PSEN1: variants seen among roughly 807,000 people sequenced by gnomAD.
PSEN1 encodes presenilin-1.
In PSEN1, 15 loss-of-function variants were observed where a neutral mutation model predicts 53.5. That is an observed-to-expected ratio of 0.28 (90% CI 0.19 to 0.43). PSEN1 has a LOEUF of 0.43. Ranked by LOEUF, PSEN1 falls within the 20% of genes least tolerant of loss-of-function variation. The pLI, the probability that PSEN1 is intolerant of heterozygous loss-of-function variation, is 1.00. For missense variants in PSEN1, 387 were observed against 571.2 expected (o/e 0.68, Z 3.29); for synonymous variants, 208 against 209.8 (o/e 0.99, Z 0.08).
chr14:73,195,535 A>T (rs1341376915), intron 7 of PSEN1, among the ~76,000 whole-genome samples: 3 of 152,214 alleles, frequency 2.0e-5, no homozygotes, highest in Non-Finnish European at 4.4e-5. Flanking sequence ...AGTTATGAAG[A>T]TTAAATTAAA....
chr14:73,172,412 T>A (rs537277555), intron 4 of PSEN1, among the ~76,000 whole-genome samples: 24 of 152,180 alleles, frequency 1.6e-4, no homozygotes, highest in African/African-American at 5.8e-4. Context: ...TCCATATAGG[T>A]TAGGGTTAGG....
At chr14:73,204,068 G>A (rs935402811) in intron 8 of PSEN1, among the ~76,000 whole-genome samples, 7 of 152,112 alleles carry the variant, frequency 4.6e-5, no homozygotes, top group African/African-American at 1.7e-4. Context: ...GCACGATCTC[G>A]GCTCACCACA....
chr14:73,182,380 C>T (rs1898245727), intron 5 of PSEN1, among the ~76,000 whole-genome samples: 1 of 151,810 alleles, frequency 6.6e-6, no homozygotes, highest in Non-Finnish European at 1.5e-5. Flanking sequence ...GCCTATAGTC[C>T]TAGGTACTAG....
intron 10 of PSEN1, among the ~76,000 whole-genome samples, chr14:73,213,567 C>G (rs753753730): frequency 1.3e-5 from 2 of 152,162 alleles, no homozygotes; most frequent in Non-Finnish European, 2.9e-5. Flanking sequence ...GCATGTTAAA[C>G]CAGACTTGTG....
At chr14:73,162,582 C>T (rs1489590816) in intron 3 of PSEN1, among the ~76,000 whole-genome samples, 2 of 151,760 alleles carry the variant, frequency 1.3e-5, no homozygotes, top group Non-Finnish European at 2.9e-5. Flanking sequence ...TTGCTTGAGC[C>T]TAGGAGGTCA....
intron 3 of PSEN1, among the ~76,000 whole-genome samples, chr14:73,155,479 T>A (rs1897327819): frequency 6.6e-6 from 1 of 152,202 alleles, no homozygotes; most frequent in Admixed American, 6.5e-5. Context: ...TTTATATGTC[T>A]AGCATAGAAT....
chr14:73,194,523 A>G (rs1263623051), intron 7 of PSEN1, among the ~76,000 whole-genome samples: 1 of 149,814 alleles, frequency 6.7e-6, no homozygotes, highest in African/African-American at 2.4e-5. Flanking sequence ...GGCCTGCCAA[A>G]GTGTTGGGAT....
At chr14:73,179,146 G>T (rs1354681963) in intron 5 of PSEN1, among the ~76,000 whole-genome samples, 1 of 152,060 alleles carries the variant, frequency 6.6e-6, no homozygotes, top group African/African-American at 2.4e-5. Flanking sequence ...CTAAAGTCAG[G>T]GCCAAAATGT....
chr14:73,175,405 C>T (rs762468297), intron 5 of PSEN1, among the ~76,000 whole-genome samples: 11 of 151,750 alleles, frequency 7.2e-5, no homozygotes, highest in South Asian at 2.1e-4. Context: ...GGATTACAGG[C>T]GTGAGCCACC....
At chr14:73,211,413 G>A (rs560857524) in intron 9 of PSEN1, among the ~76,000 whole-genome samples, 4 of 152,246 alleles carry the variant, frequency 2.6e-5, no homozygotes, top group African/African-American at 4.8e-5. Flanking sequence ...CAGGAATCCC[G>A]GTGGACTTTG....
intron 7 of PSEN1, 116 bp from the exon 8 acceptor site, chr14:73,197,915 G>T: frequency 1.5e-4 from 99 of 640,552 alleles, no homozygotes; most frequent in Middle Eastern, 2.5e-4. Flanking sequence ...GTCTTTTTGT[G>T]TAAAAAGAGA....
chr14:73,162,615 A>G (rs370754072), intron 3 of PSEN1, among the ~76,000 whole-genome samples: 25 of 151,970 alleles, frequency 1.6e-4, no homozygotes, highest in East Asian at 1.4e-3. Context: ...GCTGTTGACT[A>G]TGCCACTGCA....
At chr14:73,190,125 A>G (rs888750558) in intron 6 of PSEN1, 1 of 152,294 alleles carries the variant, frequency 6.6e-6, no homozygotes, top group Non-Finnish European at 1.5e-5. Context: ...CTGCTTCTGA[A>G]GAAATAGATA....
In PSEN1 at chr14:73,217,266, T is replaced by C. The variant is rs200159291; in HGVS notation, c.1248+22T>C. The C allele has an allele frequency of 6.8e-6, 11 of 1,613,584 alleles. No individual in the cohort carries two copies. In the East Asian group the frequency reaches 1.8e-4, roughly 26 times the overall value. Reference sequence around the variant, plus strand: ...AATTGTAAGTATACACTAATAAGAATGTGTCAGAGCTCTTAATGTCAAAAC... The same window carrying C: ...AATTGTAAGTATACACTAATAAGAACGTGTCAGAGCTCTTAATGTCAAAAC... On this transcript the variant is annotated intron_variant, in intron 11 of 11. Transcript: ENST00000324501.
At chr14:73,194,979 ACTGGTT>A (rs1898881803) in intron 7 of PSEN1, among the ~76,000 whole-genome samples, 1 of 152,194 alleles carries the variant, frequency 6.6e-6, no homozygotes, top group Non-Finnish European at 1.5e-5. Flanking sequence ...ATAGGATTGA[ACTGGTT>A]CTGTTCTTGT....
intron 3 of PSEN1, among the ~76,000 whole-genome samples, chr14:73,154,074 A>G (rs1365749933): frequency 3.3e-5 from 5 of 152,190 alleles, no homozygotes; most frequent in African/African-American, 7.2e-5. Context: ...TATTCAGACT[A>G]TAAATATATC....
chr14:73,190,605 A>G (rs549535330), intron 6 of PSEN1, among the ~76,000 whole-genome samples: 156 of 152,100 alleles, frequency 1.0e-3, no homozygotes, highest in African/African-American at 3.6e-3. Context: ...GTGCTTTCCA[A>G]TCAGGCACGG....
chr14:73,167,341 A>G (rs1897748052), intron 3 of PSEN1, among the ~76,000 whole-genome samples: 1 of 152,234 alleles, frequency 6.6e-6, no homozygotes, highest in South Asian at 2.1e-4. Flanking sequence ...TGTGATGCTC[A>G]AAGGAAATGC....
chr14:73,216,556 C>T lies in PSEN1; in HGVS notation c.1130-570C>T, dbSNP rs543993486. On this transcript the variant is annotated intron_variant, in intron 10 of 11. Coordinates refer to ENST00000324501, the MANE Select transcript of PSEN1 (RefSeq NM_000021.4). ...TGGGTGGATCATGAGGTCAGGAGTT[C>T]GAGACCAGCCTGACCAACATGGTGA... 2.6e-3 allele frequency among the ~76,000 whole-genome samples: 389 copies of T among 152,124 alleles called. 2 individuals are homozygous for T. The highest frequency in any genetic ancestry group is 8.9e-3 in the African/African-American group (370 of 41,498).
Sources: allele counts gnomAD v4.1 joint callset (sites outside exome capture counted in the v4.1 genomes callset), GRCh38; gene constraint gnomAD v4.1.1; transcripts MANE v1.5; gene names NCBI Gene and HGNC (gene_info 2026-07-23, HGNC 2026-07-21).